VBP1: variants seen among roughly 807,000 people sequenced by gnomAD.
VBP1 encodes VHL binding protein 1.
VBP1 carries 4 observed loss-of-function variants against 15.5 expected under a neutral mutation model. The ratio of observed to expected loss-of-function variants is 0.26; its 90% confidence interval spans 0.13 to 0.59. The LOEUF is 0.59. Among genes scored for constraint, VBP1 ranks in the 20% least tolerant of loss-of-function variants. VBP1 has a pLI of 0.90. For missense variants in VBP1, 108 were observed against 139.6 expected, an observed-to-expected ratio of 0.77 and a Z score of 1.14; for synonymous variants, 61 against 52.1, an observed-to-expected ratio of 1.17 and a Z score of -0.74.
chrX:155,202,775 A>C (rs1305184589), intron 1 of VBP1, among the ~76,000 whole-genome samples: 1 of 108,628 alleles, frequency 9.2e-6, no homozygotes, highest in Non-Finnish European at 1.9e-5. Flanking sequence ...AATTAAACTA[A>C]AGAGCTTCTG....
At chrX:155,214,748 GT>G (rs57129959), upstream of VBP1, among the ~76,000 whole-genome samples, 17 of 12,747 alleles carry the variant, frequency 1.3e-3, no homozygotes, top group East Asian at 9.3e-3. Flanking sequence ...CAAGAGGAAG[GT>G]TTTTTTTTTT....
At chrX:155,218,808 A>G (rs2074676262) in intron 1 of VBP1, among the ~76,000 whole-genome samples, 1 of 112,032 alleles carries the variant, frequency 8.9e-6, no homozygotes, top group African/African-American at 3.2e-5. Flanking sequence ...ATTGAGGCAA[A>G]GAGAGGTTAA....
chrX:155,207,245 G>A (rs1276331581), intron 1 of VBP1, among the ~76,000 whole-genome samples: 3 of 111,506 alleles, frequency 2.7e-5, no homozygotes, highest in African/African-American at 6.5e-5. Flanking sequence ...GACAGGAATC[G>A]GGTAAAAAGT....
At chrX:155,237,347 A>G (rs1248789219) in intron 5 of VBP1, among the ~76,000 whole-genome samples, 1 of 111,523 alleles carries the variant, frequency 9.0e-6, no homozygotes, top group Non-Finnish European at 1.9e-5. Context: ...CTCTCTGCCC[A>G]TTACTGTTCT....
At chrX:155,238,218 A>G (rs1444332203) in intron 5 of VBP1, among the ~76,000 whole-genome samples, 1 of 111,864 alleles carries the variant, frequency 8.9e-6, no homozygotes, top group Non-Finnish European at 1.9e-5. Flanking sequence ...GCTAGGGTGG[A>G]CAGTCTCTGT....
At chrX:155,200,427 G>A (rs781905037) in intron 1 of VBP1, among the ~76,000 whole-genome samples, 4,438 of 110,250 alleles carry the variant, frequency 0.04, 255 homozygotes, top group African/African-American at 0.14. Context: ...CCACAGTGCA[G>A]TCAAACTAGA....
intron 4 of VBP1, among the ~76,000 whole-genome samples, chrX:155,231,909 A>G (rs1334584242): frequency 9.0e-6 from 1 of 111,637 alleles, no homozygotes; most frequent in Non-Finnish European, 1.9e-5. Context: ...TTGCACATAT[A>G]GACTTGTATA....
chrX:155,238,225 C>T lies in VBP1; in HGVS notation c.524-547C>T, dbSNP rs943155719. On this transcript the variant is annotated intron_variant, in intron 5 of 5. Coordinates refer to ENST00000286428, the MANE Select transcript of VBP1 (RefSeq NM_003372.7). ...GTGAGGGAGCTAGGGTGGACAGTCT[C>T]TGTTACATTGACATTCTACTGGAGT... Among the ~76,000 whole-genome samples, 4 of 111,870 alleles carry T rather than the reference C, an allele frequency of 3.6e-5. No individual in the cohort carries two copies. In the South Asian group the frequency reaches 1.1e-3, roughly 31 times the overall value.
At chrX:155,198,083 G>T (rs1442387040) in intron 1 of VBP1, among the ~76,000 whole-genome samples, 1 of 112,745 alleles carries the variant, frequency 8.9e-6, no homozygotes, top group East Asian at 2.8e-4. Context: ...GCCCAGGCTT[G>T]CTTAGGTAAA....
In VBP1 at chrX:155,216,515, A is replaced by G; in HGVS notation, c.33A>G (p.Gly11=). The G allele has an allele frequency of 1.7e-6, 2 of 1,171,034 alleles. No homozygotes were observed. Among genetic ancestry groups the G allele is most frequent in the Non-Finnish European group, 2.3e-6 (2 of 874,430 alleles). Residue 11 remains glycine, a synonymous_variant, in exon 1 of 6, where the codon GGA becomes GGG. Coordinates refer to ENST00000286428, the MANE Select transcript of VBP1 (RefSeq NM_003372.7). ...CCGTTAAGGACAGTTGTGGCAAAGG[A>G]GAAATGGCCACAGGGAATGGGCGGC... MAAVKDSCGK[G]EMATGNGRRL... is the part of the protein sequence containing the mutation.
intron 4 of VBP1, among the ~76,000 whole-genome samples, chrX:155,233,999 A>G (rs1208799766): frequency 4.5e-5 from 5 of 110,737 alleles, no homozygotes; most frequent in Non-Finnish European, 7.6e-5. Context: ...GCTAACCTGC[A>G]TAAACTTGTG....
At chrX:155,227,402 G>T in intron 3 of VBP1, 101 bp downstream of exon 3, 1 of 564,634 alleles carries the variant, frequency 1.8e-6, no homozygotes, top group Non-Finnish European at 2.7e-6. Flanking sequence ...CTGTGCTGTG[G>T]AATCCAGTCT....
intron 1 of VBP1, among the ~76,000 whole-genome samples, chrX:155,202,731 T>C (rs1207748503): frequency 5.6e-5 from 6 of 106,641 alleles, no homozygotes; most frequent in Non-Finnish European, 9.7e-5. Flanking sequence ...CCAAAAGCAA[T>C]GGCAACAAAA....
intron 1 of VBP1, among the ~76,000 whole-genome samples, chrX:155,202,759 G>A (rs2074610223): frequency 9.3e-6 from 1 of 107,272 alleles, no homozygotes; most frequent in African/African-American, 3.4e-5. Context: ...TTGACAAATG[G>A]GATCTAATTA....
intron 1 of VBP1, among the ~76,000 whole-genome samples, chrX:155,201,041 C>A (rs1162323798): frequency 9.0e-6 from 1 of 111,300 alleles, no homozygotes; most frequent in Non-Finnish European, 1.9e-5. Context: ...ACACATACAC[C>A]CTCCCAAGAC....
intron 1 of VBP1, among the ~76,000 whole-genome samples, chrX:155,202,177 C>A (rs2074607147): frequency 1.8e-5 from 2 of 111,689 alleles, no homozygotes; most frequent in Admixed American, 9.5e-5. Flanking sequence ...TGAAAATGGC[C>A]ATACTGCCCA....
intron 4 of VBP1, among the ~76,000 whole-genome samples, chrX:155,231,784 G>C (rs1232254997): frequency 8.9e-6 from 1 of 112,110 alleles, no homozygotes; most frequent in African/African-American, 3.2e-5. Context: ...TTGCCTCCTT[G>C]GTTTTATTGG....
intron 1 of VBP1, among the ~76,000 whole-genome samples, chrX:155,200,903 T>C (rs373536568): frequency 2.7e-5 from 3 of 109,239 alleles, no homozygotes; most frequent in Non-Finnish European, 5.7e-5. Flanking sequence ...ATCAAATAGA[T>C]GCAATAAAAA....
At chrX:155,233,070 G>A (rs2074754752) in intron 4 of VBP1, among the ~76,000 whole-genome samples, 1 of 112,305 alleles carries the variant, frequency 8.9e-6, no homozygotes, top group African/African-American at 3.2e-5. Flanking sequence ...GAAAGAAACT[G>A]CATAGCAAAT....
Sources: allele counts gnomAD v4.1 joint callset (sites outside exome capture counted in the v4.1 genomes callset), GRCh38; gene constraint gnomAD v4.1.1; transcripts MANE v1.5; gene names NCBI Gene and HGNC (gene_info 2026-07-23, HGNC 2026-07-21).